The following STARD13 variants were observed in gnomAD, a reference collection of about 807,000 sequenced individuals.
STARD13 encodes stAR-related lipid transfer protein 13.
In STARD13, 62 loss-of-function variants were observed where a neutral mutation model predicts 106.4. That is an observed-to-expected ratio of 0.58 (90% CI 0.48 to 0.72). The LOEUF is 0.72. Among genes scored for constraint, STARD13 ranks in the 30% least tolerant of loss-of-function variants. The probability of loss-of-function intolerance (pLI) is 0.00; values close to 1 mark genes in which losing one functional copy is unlikely to be tolerated. For missense variants in STARD13, 1,387 were observed against 1,424.0 expected (o/e 0.97, Z 0.42); for synonymous variants, 565 against 553.0 (o/e 1.02, Z -0.31).
Position 33,142,385 on chromosome 13 carries a change from G to T in STARD13, c.324-12C>A. 1 of 1,607,998 alleles carries T rather than the reference G, an allele frequency of 6.2e-7. No individual in the cohort carries two copies. Among genetic ancestry groups the T allele is most frequent in the South Asian group, 1.1e-5 (1 of 90,860 alleles). On this transcript the variant is annotated splice_polypyrimidine_tract_variant and intron_variant, in intron 3 of 13. Transcript: ENST00000336934. ...ACGTATTTAGTCGTCTAAAAGGAAA[G>T]AAAAATGTGATGATTACTTTCACTA...
chr13:33,286,520 A>G (rs893620560), upstream of STARD13, among the ~76,000 whole-genome samples: 3 of 152,242 alleles, frequency 2.0e-5, no homozygotes, highest in African/African-American at 7.2e-5. Context: ...CAGAAGTTGC[A>G]AAGGTACTTC....
At chr13:33,363,767 G>C in the STARD13 span, among the ~76,000 whole-genome samples, 1 of 152,176 alleles carries the variant, frequency 6.6e-6, no homozygotes, top group African/African-American at 2.4e-5. Context: ...GGTAGGAAGT[G>C]GATTTTTAAT....
chr13:33,603,612 T>C, the STARD13 span, among the ~76,000 whole-genome samples: 1 of 152,138 alleles, frequency 6.6e-6, no homozygotes, highest in Non-Finnish European at 1.5e-5. Flanking sequence ...GAGTACAAAC[T>C]GATGCTTTCT....
the STARD13 span, among the ~76,000 whole-genome samples, chr13:33,476,102 G>A: frequency 5.7e-4 from 87 of 152,090 alleles, no homozygotes; most frequent in African/African-American, 2.0e-3. Flanking sequence ...ATTGTGATAC[G>A]GGTACAAAGT....
At chr13:33,637,383 T>G in the STARD13 span, among the ~76,000 whole-genome samples, 17 of 152,160 alleles carry the variant, frequency 1.1e-4, no homozygotes, top group East Asian at 3.8e-4. Flanking sequence ...AAATAGTCAT[T>G]TGCATGGCCC....
chr13:33,429,938 GA>G, the STARD13 span, among the ~76,000 whole-genome samples: 1 of 148,590 alleles, frequency 6.7e-6, no homozygotes, highest in African/African-American at 2.6e-5. Flanking sequence ...GGGGGGGGGG[GA>G]CGGAGTCTCG....
chr13:33,133,151 C>T (rs1186711777), intron 4 of STARD13, among the ~76,000 whole-genome samples: 1 of 152,180 alleles, frequency 6.6e-6, no homozygotes, highest in Non-Finnish European at 1.5e-5. Flanking sequence ...CTACCTCTCT[C>T]AAACCTGGTT....
the STARD13 span, among the ~76,000 whole-genome samples, chr13:33,437,674 C>T: frequency 6.6e-6 from 1 of 152,210 alleles, no homozygotes; most frequent in Non-Finnish European, 1.5e-5. Context: ...AAAACCCAAA[C>T]TTATGGACTG....
At chr13:33,119,445 T>C (rs1305195826) in intron 7 of STARD13, among the ~76,000 whole-genome samples, 1 of 152,162 alleles carries the variant, frequency 6.6e-6, no homozygotes, top group Non-Finnish European at 1.5e-5. Flanking sequence ...ACAGGTCGTC[T>C]TACTGATCAC....
At chr13:33,111,748 G>A in intron 10 of STARD13, 30 bp downstream of exon 10, 1 of 1,342,364 alleles carries the variant, frequency 7.4e-7, no homozygotes, top group South Asian at 1.2e-5. Context: ...AGAGCTACTA[G>A]GGAGGCGGAG....
chr13:33,504,060 A>G, the STARD13 span, among the ~76,000 whole-genome samples: 1 of 152,226 alleles, frequency 6.6e-6, no homozygotes, highest in Non-Finnish European at 1.5e-5. Context: ...ATGAGATACC[A>G]TCTCATACCA....
the STARD13 span, among the ~76,000 whole-genome samples, chr13:33,637,929 A>G: frequency 6.6e-6 from 1 of 152,214 alleles, no homozygotes; most frequent in African/African-American, 2.4e-5. Flanking sequence ...ATTTTTGCAG[A>G]GTCAACTTTA....
intron 1 of STARD13, among the ~76,000 whole-genome samples, chr13:33,343,586 A>AAAAAAAAC (rs1194144962): frequency 3.2e-5 from 3 of 95,216 alleles, no homozygotes; most frequent in Non-Finnish European, 6.3e-5. Flanking sequence ...TTAAAAAAAA[A>AAAAAAAAC]AAAAAAAAAA....
chr13:33,233,911 T>C (rs1419319162), intron 1 of STARD13, among the ~76,000 whole-genome samples: 1 of 152,240 alleles, frequency 6.6e-6, no homozygotes, highest in Non-Finnish European at 1.5e-5. Flanking sequence ...CTTGCTCACG[T>C]GCTCCCTCCT....
the STARD13 span, among the ~76,000 whole-genome samples, chr13:33,390,681 A>C: frequency 6.6e-6 from 1 of 152,188 alleles, no homozygotes; most frequent in African/African-American, 2.4e-5. Flanking sequence ...TTCCTGGTCC[A>C]GGAAGAGAGC....
chr13:33,200,198 G>T (rs951188393), intron 1 of STARD13, among the ~76,000 whole-genome samples: 1 of 152,198 alleles, frequency 6.6e-6, no homozygotes, highest in African/African-American at 2.4e-5. Context: ...GCCCTTCCCT[G>T]CCATCCCCTA....
the STARD13 span, among the ~76,000 whole-genome samples, chr13:33,608,672 A>T: frequency 6.6e-6 from 1 of 152,214 alleles, no homozygotes; most frequent in Non-Finnish European, 1.5e-5. Flanking sequence ...AAAAAGTTAA[A>T]TCCCTATTTC....
chr13:33,465,064 A>T, the STARD13 span, among the ~76,000 whole-genome samples: 1 of 152,124 alleles, frequency 6.6e-6, no homozygotes, highest in Admixed American at 6.5e-5. Context: ...AGTCCTGTCA[A>T]CTGCTTCCCC....
chr13:33,145,947 G>T (rs971700049), intron 3 of STARD13, among the ~76,000 whole-genome samples: 7 of 152,212 alleles, frequency 4.6e-5, no homozygotes, highest in African/African-American at 1.7e-4. Flanking sequence ...AACTTTGGGA[G>T]GCCAAGGTGG....
Sources: allele counts gnomAD v4.1 joint callset (sites outside exome capture counted in the v4.1 genomes callset), GRCh38; gene constraint gnomAD v4.1.1; transcripts MANE v1.5; gene names NCBI Gene and HGNC (gene_info 2026-07-23, HGNC 2026-07-21).